Variants in NPY2R observed in about 807,000 individuals in gnomAD.
NPY2R encodes the protein neuropeptide Y receptor Y2.
Under a neutral mutation model 22.3 loss-of-function variants are expected in NPY2R, and 17 were observed. That is an observed-to-expected ratio of 0.76 (90% CI 0.52 to 1.14). The LOEUF (loss-of-function observed/expected upper bound fraction) is 1.14, where lower values mean the gene tolerates loss of function less well. Ranked by LOEUF, NPY2R falls within the 50% of genes most tolerant of loss-of-function variation. The pLI, the probability that NPY2R is intolerant of heterozygous loss-of-function variation, is 0.00. For missense variants in NPY2R, 424 were observed against 467.9 expected, an observed-to-expected ratio of 0.91 and a Z score of 0.87; for synonymous variants, 209 against 183.4, an observed-to-expected ratio of 1.14 and a Z score of -1.13.
rs780129798 is a variant in NPY2R at position 155,214,632 on chromosome 4, T to C, written c.693T>C (p.Pro231=). Residue 231 remains proline (P), a synonymous_variant, in exon 2 of 2, where the codon CCT becomes CCC. Transcript: ENST00000329476. ...CCTTGTTGATCTTGTATGTTTTGCC[T>C]CTGGGCATTATATCATTTTCCTACA... is the stretch of plus-strand genomic sequence containing the variant. ...LSSLLILYVL[P]LGIISFSYTR... 3.7e-6 allele frequency: 6 copies of C among 1,614,088 alleles called. No individual in the cohort carries two copies. Among genetic ancestry groups the C allele is most frequent in the African/African-American group, 1.3e-5 (1 of 74,942 alleles).
the NPY2R span, among the ~76,000 whole-genome samples, chr4:155,197,834 A>G: frequency 2.0e-5 from 3 of 152,016 alleles, no homozygotes; most frequent in Non-Finnish European, 2.9e-5. Flanking sequence ...AGATAGGTCC[A>G]TTTGAAAAAC....
chr4:155,195,291 T>G, the NPY2R span, among the ~76,000 whole-genome samples: 1 of 151,926 alleles, frequency 6.6e-6, no homozygotes, highest in Non-Finnish European at 1.5e-5. Flanking sequence ...ATTGGCATAT[T>G]TGCAAGATAT....
chr4:155,213,296 A>C (rs1442428377), intron 1 of NPY2R, among the ~76,000 whole-genome samples: 1 of 152,204 alleles, frequency 6.6e-6, no homozygotes, highest in East Asian at 1.9e-4. Context: ...AATTTTAAAA[A>C]AGTAACTCTT....
At chr4:155,192,223 G>C in the NPY2R span, among the ~76,000 whole-genome samples, 5 of 151,964 alleles carry the variant, frequency 3.3e-5, no homozygotes, top group Admixed American at 2.0e-4. Context: ...CACTTGCTTT[G>C]TTTCGTTAGC....
At chr4:155,198,553 A>AT in the NPY2R span, among the ~76,000 whole-genome samples, 1 of 146,676 alleles carries the variant, frequency 6.8e-6, no homozygotes. Context: ...ATATAAATAT[A>AT]AATATATAAT....
At chr4:155,200,822 G>A in the NPY2R span, among the ~76,000 whole-genome samples, 1 of 152,202 alleles carries the variant, frequency 6.6e-6, no homozygotes, top group African/African-American at 2.4e-5. Context: ...ATGGACACAG[G>A]GAGGGGAACA....
intron 1 of NPY2R, among the ~76,000 whole-genome samples, chr4:155,213,332 T>C (rs192189202): frequency 7.0e-4 from 107 of 152,364 alleles, no homozygotes; most frequent in African/African-American, 2.5e-3. Flanking sequence ...CTATTTTTAA[T>C]ACTAAATCCT....
At chr4:155,174,480 ATATATTT>A in the NPY2R span, among the ~76,000 whole-genome samples, 37 of 88,710 alleles carry the variant, frequency 4.2e-4, no homozygotes, top group East Asian at 6.5e-3. Flanking sequence ...ATATATATAT[ATATATTT>A]TTTTTTTTAA....
chr4:155,198,232 C>T, the NPY2R span, among the ~76,000 whole-genome samples: 3 of 151,828 alleles, frequency 2.0e-5, no homozygotes, highest in East Asian at 5.8e-4. Context: ...ATCTGGGTTA[C>T]ATCAGTGCAA....
chr4:155,213,367 T>C (rs925361032), intron 1 of NPY2R, among the ~76,000 whole-genome samples: 13 of 152,344 alleles, frequency 8.5e-5, no homozygotes, highest in Admixed American at 7.2e-4. Context: ...ATCTGCTTGG[T>C]TTATCTGAGA....
the NPY2R span, among the ~76,000 whole-genome samples, chr4:155,180,644 C>T: frequency 2.0e-5 from 3 of 151,936 alleles, no homozygotes; most frequent in Non-Finnish European, 4.4e-5. Context: ...CCTAAGTCTT[C>T]CCTTAAATCT....
the NPY2R span, among the ~76,000 whole-genome samples, chr4:155,177,683 G>A: frequency 0.017 from 2,538 of 152,004 alleles, 55 homozygotes; most frequent in African/African-American, 0.059. Flanking sequence ...TTCTGCTTGT[G>A]CTTTCTGAGG....
At chr4:155,183,163 T>C in the NPY2R span, among the ~76,000 whole-genome samples, 3 of 152,150 alleles carry the variant, frequency 2.0e-5, no homozygotes, top group East Asian at 5.8e-4. Context: ...CATCATCAAG[T>C]AAATGTGTTA....
chr4:155,185,781 GAAT>G, the NPY2R span, among the ~76,000 whole-genome samples: 2 of 148,010 alleles, frequency 1.4e-5, no homozygotes, highest in Non-Finnish European at 3.0e-5. Context: ...CCTGGTGGGT[GAAT>G]AATAACTGCC....
At chr4:155,198,637 A>G in the NPY2R span, among the ~76,000 whole-genome samples, 36 of 85,944 alleles carry the variant, frequency 4.2e-4, no homozygotes, top group South Asian at 0.011. Context: ...GGGGAAAGCT[A>G]AGTGATTTCA....
At chr4:155,189,690 C>T in the NPY2R span, among the ~76,000 whole-genome samples, 1 of 151,996 alleles carries the variant, frequency 6.6e-6, no homozygotes, top group East Asian at 1.9e-4. Flanking sequence ...TATATTTGCT[C>T]AGCCCTAGTT....
the NPY2R span, among the ~76,000 whole-genome samples, chr4:155,186,861 G>A: frequency 6.6e-6 from 1 of 152,104 alleles, no homozygotes; most frequent in East Asian, 1.9e-4. Context: ...TACCTGGACT[G>A]TATAAACTTG....
At chr4:155,186,928 A>G in the NPY2R span, among the ~76,000 whole-genome samples, 1 of 151,160 alleles carries the variant, frequency 6.6e-6, no homozygotes, top group Non-Finnish European at 1.5e-5. Flanking sequence ...TTTCCTTAAA[A>G]GTCTAACACA....
At chr4:155,189,602 T>TTA in the NPY2R span, among the ~76,000 whole-genome samples, 1 of 152,070 alleles carries the variant, frequency 6.6e-6, no homozygotes, top group South Asian at 2.1e-4. Context: ...TTTTTATAAG[T>TTA]TATATATCTA....
Sources: allele counts gnomAD v4.1 joint callset (sites outside exome capture counted in the v4.1 genomes callset), GRCh38; gene constraint gnomAD v4.1.1; transcripts MANE v1.5; gene names NCBI Gene and HGNC (gene_info 2026-07-23, HGNC 2026-07-21).